The following PCNX2 variants were observed in gnomAD, a reference collection of about 807,000 sequenced individuals.
The protein encoded by PCNX2 is pecanex-like protein 2.
In PCNX2, 168 loss-of-function variants were observed where a neutral mutation model predicts 223.8. The ratio of observed to expected loss-of-function variants is 0.75; its 90% CI spans 0.66 to 0.85. The LOEUF (loss-of-function observed/expected upper bound fraction) is 0.85, where lower values mean the gene tolerates loss of function less well. PCNX2 is among the 40% of genes least tolerant of loss of function. The probability of loss-of-function intolerance (pLI) is 0.00; values close to 1 mark genes in which losing one functional copy is unlikely to be tolerated. For synonymous variants in PCNX2, 1,006 were observed against 1,052.6 expected (o/e 0.96, Z 0.86); for missense variants, 2,507 against 2,675.5 (o/e 0.94, Z 1.39).
rs1160886464 is a variant in PCNX2 at position 232,986,247 on chromosome 1, G to A, written c.6085C>T (p.Leu2029=). 3 of 1,560,496 alleles carry A rather than the reference G, an allele frequency of 1.9e-6. No individual in the cohort carries two copies. In the Admixed American group the frequency reaches 5.8e-5, roughly 30 times the overall value. The stretch of plus-strand genomic sequence containing the variant: ...CTCCTCTTGCCGAAGAGGAAGCTCA[G>A]GGTGGAGCTGGTGGAGGAGCCCAGG... ...SSLGSSTSST[L]SFLFGKRSFS... is the part of the protein sequence containing the mutation. Residue 2029 remains leucine, a synonymous_variant, in exon 33 of 34, where the codon CTG becomes TTG. Coordinates refer to ENST00000258229, the MANE Select transcript of PCNX2 (RefSeq NM_014801.4).
At chr1:233,289,471 C>A in intron 1 of PCNX2, 1 of 1,025,212 alleles carries the variant, frequency 9.8e-7, no homozygotes, top group Non-Finnish European at 1.5e-6. Context: ...GAGAACTTGC[C>A]GAGCGCCGGC....
intron 8 of PCNX2, among the ~76,000 whole-genome samples, chr1:233,239,104 G>T (rs1226013311): frequency 6.6e-6 from 1 of 152,130 alleles, no homozygotes; most frequent in African/African-American, 2.4e-5. Context: ...TATCTTAAAC[G>T]GAGCACATGC....
the PCNX2 span, among the ~76,000 whole-genome samples, chr1:233,303,601 C>A: frequency 6.6e-6 from 1 of 152,046 alleles, no homozygotes; most frequent in African/African-American, 2.4e-5. Flanking sequence ...TTATATCTTT[C>A]TGAAGAAATG....
At chr1:233,187,328 A>G (rs1680164101) in intron 15 of PCNX2, among the ~76,000 whole-genome samples, 1 of 152,234 alleles carries the variant, frequency 6.6e-6, no homozygotes, top group African/African-American at 2.4e-5. Context: ...TCAGTAGGAC[A>G]ATGTTGTCCT....
intron 1 of PCNX2, among the ~76,000 whole-genome samples, chr1:233,280,085 C>T (rs1303804872): frequency 2.6e-5 from 4 of 152,004 alleles, no homozygotes; most frequent in Non-Finnish European, 5.9e-5. Context: ...ATCTGGAGAT[C>T]CCTCTACAGC....
At chr1:233,035,186 T>G (rs1366056619) in intron 25 of PCNX2, among the ~76,000 whole-genome samples, 1 of 152,186 alleles carries the variant, frequency 6.6e-6, no homozygotes, top group Non-Finnish European at 1.5e-5. Flanking sequence ...AACCTTCCAT[T>G]GAGAACATTG....
At chr1:233,256,823 T>G (rs1336335857) in intron 5 of PCNX2, among the ~76,000 whole-genome samples, 1 of 152,300 alleles carries the variant, frequency 6.6e-6, no homozygotes, top group Non-Finnish European at 1.5e-5. Flanking sequence ...TTAAAAAGTT[T>G]AACTGAATCA....
Position 232,998,358 on chromosome 1 carries a change from C to T in PCNX2, c.5684G>A (p.Gly1895Asp), listed in dbSNP as rs906289744. Reference sequence around the variant, plus strand: ...GCCACCACTCGGGGCATTGTTGCCACCTGTCGTCGGGGCCCCTCCTCCGTC... The same window carrying T: ...GCCACCACTCGGGGCATTGTTGCCATCTGTCGTCGGGGCCCCTCCTCCGTC... The part of the protein sequence containing the change: ...DVDGGGAPTT[G>D]GNNAPSGGSQ... The change falls in exon 32 of 34, where the codon GGT becomes GAT. Residue 1895 changes from glycine to aspartate, a missense_variant. Physicochemically the swap from Gly to Asp is moderately conservative, Grantham distance 94. Transcript: ENST00000258229. 2 of 1,613,274 alleles carry T rather than the reference C, an allele frequency of 1.2e-6. No homozygotes were observed. The highest frequency in any genetic ancestry group is 3.3e-5 in the Admixed American group (2 of 59,966).
chr1:233,219,937 T>C (rs1657267213), intron 10 of PCNX2, among the ~76,000 whole-genome samples: 1 of 152,196 alleles, frequency 6.6e-6, no homozygotes, highest in Admixed American at 6.5e-5. Flanking sequence ...GCCCCACCTA[T>C]TCATCACTCC....
At chr1:233,086,652 T>C (rs1017711100) in intron 23 of PCNX2, among the ~76,000 whole-genome samples, 18 of 151,716 alleles carry the variant, frequency 1.2e-4, no homozygotes, top group African/African-American at 3.1e-4. Flanking sequence ...GCCTGGGCAA[T>C]AGAGCAAGAC....
intron 25 of PCNX2, among the ~76,000 whole-genome samples, chr1:233,037,887 T>C (rs185701531): frequency 2.7e-4 from 41 of 152,322 alleles, no homozygotes; most frequent in African/African-American, 8.9e-4. Context: ...TGAAGCAGCA[T>C]TGGTTTTTCA....
rs1388628120 is a variant in PCNX2, at chr1:233,000,653, T to A, written c.5098-118A>T. The A allele has an allele frequency of 9.3e-6, 7 of 754,852 alleles. No individual in the cohort carries two copies. In the African/African-American group the frequency reaches 1.2e-4, roughly 13 times the overall value. 46.8% of individuals were successfully genotyped at this position (754,852 alleles called of 1,614,324 possible). Reference sequence around the variant, plus strand: ...AAGCTAAGCTCTTTCCTCATCTTCCTCTCTCCTGTTCTTTTTCCAAATCCT... The same window carrying A: ...AAGCTAAGCTCTTTCCTCATCTTCCACTCTCCTGTTCTTTTTCCAAATCCT... On this transcript the variant is annotated intron_variant, in intron 29 of 33. Coordinates refer to ENST00000258229, the MANE Select transcript of PCNX2 (RefSeq NM_014801.4). The surrounding 1 kb of genome is among the most constrained non-coding windows in gnomAD (Gnocchi z 4.6).
Position 232,999,216 on chromosome 1 carries a change from A to C in PCNX2, c.5492T>G (p.Val1831Gly). Residue 1831 changes from valine to glycine, a missense_variant, in exon 31 of 34, where the codon GTC (valine) becomes GGC (glycine). By Grantham distance (109) the Val-to-Gly change is moderately radical. Coordinates refer to ENST00000258229, the MANE Select transcript of PCNX2 (RefSeq NM_014801.4). ...TAGGTAGGATGTGGTTAGTGGGGAG[A>C]CATACATGGGGTACCCCAGGGGCTG... ...CDQPLGYPMY[V>G]SPLTTSYLGT... 8.1e-6 allele frequency: 13 copies of C among 1,613,886 alleles called. No individual in the cohort carries two copies. The highest frequency in any genetic ancestry group is 1.1e-5 in the Non-Finnish European group (13 of 1,179,858).
Position 233,249,838 on chromosome 1 carries a change from C to T in PCNX2, c.2222+901G>A, listed in dbSNP as rs560794085. ...GAGAGAATGCCCTAAGAAGCTGGTA[C>T]ACGACAGCATTCCACCTGGAGGCCA... On this transcript the variant is annotated intron_variant, in intron 8 of 33. Coordinates refer to ENST00000258229, the MANE Select transcript of PCNX2 (RefSeq NM_014801.4). Among the ~76,000 whole-genome samples, 43 of 152,314 alleles carry T rather than the reference C, an allele frequency of 2.8e-4. No homozygotes were observed. In the Middle Eastern group the frequency reaches 0.01, roughly 36 times the overall value.
chr1:233,088,476 A>G (rs551900439), intron 23 of PCNX2, among the ~76,000 whole-genome samples: 1 of 152,336 alleles, frequency 6.6e-6, no homozygotes, highest in South Asian at 2.1e-4. Context: ...CTCCTAAAAA[A>G]GCTTAAAGAG....
chr1:233,231,642 GAGA>G (rs1311510834), intron 9 of PCNX2: 4 of 984,802 alleles, frequency 4.1e-6, no homozygotes, highest in Non-Finnish European at 4.8e-6. Context: ...AGGGGATAGG[GAGA>G]AGGAGTAGAA....
chr1:233,033,043 A>G, intron 25 of PCNX2: 2 of 985,456 alleles, frequency 2.0e-6, no homozygotes, highest in Non-Finnish European at 2.4e-6. Context: ...ATTCCCTCCA[A>G]AGGAAATGCT....
intron 27 of PCNX2, among the ~76,000 whole-genome samples, chr1:233,015,061 G>A: frequency 6.6e-6 from 1 of 152,194 alleles, no homozygotes; most frequent in East Asian, 1.9e-4. Context: ...TGGCACTTCA[G>A]GTCATAAAGA....
chr1:233,208,652 T>C lies in PCNX2; in HGVS notation c.2729A>G (p.Tyr910Cys). Residue 910 changes from tyrosine to cysteine, a missense_variant, in exon 13 of 34, where the codon TAT (tyrosine) becomes TGT (cysteine). Physicochemically the swap from Tyr to Cys is radical, Grantham distance 194 (BLOSUM62 -2). Coordinates refer to ENST00000258229, the MANE Select transcript of PCNX2 (RefSeq NM_014801.4). ...AATAAGGCCACACAGCACACAAAAA[T>C]AGATTGGTCTGCTATATGTTATGAT... ...NQIITYSRPI[Y>C]FCVLCGLILL... The C allele has an allele frequency of 6.2e-7, 1 of 1,613,696 alleles. No individual in the cohort carries two copies. Among genetic ancestry groups the C allele is most frequent in the South Asian group, 1.1e-5 (1 of 91,072 alleles).
Sources: allele counts gnomAD v4.1 joint callset (sites outside exome capture counted in the v4.1 genomes callset), GRCh38; gene constraint gnomAD v4.1.1; non-coding constraint Gnocchi (gnomAD v3.1); transcripts MANE v1.5; gene names NCBI Gene and HGNC (gene_info 2026-07-23, HGNC 2026-07-21).